Variants in USP31 observed in about 807,000 individuals in gnomAD.
The protein encoded by USP31 is ubiquitin specific peptidase 31, also known as ubiquitin carboxyl-terminal hydrolase 31.
A neutral mutation model predicts 119.4 loss-of-function variants in USP31; 44 were observed. The ratio of observed to expected loss-of-function variants is 0.37; its 90% CI spans 0.29 to 0.47. The LOEUF (loss-of-function observed/expected upper bound fraction) is 0.47. Among genes scored for constraint, USP31 ranks in the 20% least tolerant of loss-of-function variants. USP31 has a pLI of 0.99. For missense variants in USP31, 1,643 were observed against 1,730.2 expected (o/e 0.95, Z 0.89); for synonymous variants, 749 against 705.6 (o/e 1.06, Z -0.97).
At chr16:23,116,036 C>G (rs1316537227) in intron 1 of USP31, among the ~76,000 whole-genome samples, 1 of 152,116 alleles carries the variant, frequency 6.6e-6, no homozygotes, top group Non-Finnish European at 1.5e-5. Context: ...TGATTTCCAC[C>G]CATGGGAAAT....
At chr16:23,108,429 A>G (rs543783749) in intron 1 of USP31, among the ~76,000 whole-genome samples, 1 of 152,320 alleles carries the variant, frequency 6.6e-6, no homozygotes, top group South Asian at 2.1e-4. Flanking sequence ...ACATCATCAG[A>G]ACAGCCTGTC....
chr16:23,144,883 G>A (rs538668219), intron 1 of USP31, among the ~76,000 whole-genome samples: 25 of 152,128 alleles, frequency 1.6e-4, no homozygotes, highest in African/African-American at 5.3e-4. Flanking sequence ...TTACCTAACC[G>A]GGGGAATAAA....
intron 6 of USP31, among the ~76,000 whole-genome samples, chr16:23,095,401 G>T (rs1901560147): frequency 6.6e-6 from 1 of 152,176 alleles, no homozygotes; most frequent in Non-Finnish European, 1.5e-5. Flanking sequence ...GGGAAGAATG[G>T]AACCAAGCTG....
chr16:23,105,355 T>C (rs1036909148), intron 5 of USP31, 86 bp downstream of exon 5: 1 of 1,408,088 alleles, frequency 7.1e-7, no homozygotes, highest in Admixed American at 2.5e-5. Context: ...CCAACCATAC[T>C]TGGCAAAGAA....
chr16:23,072,071 A>G lies in USP31; in HGVS notation c.2462T>C (p.Met821Thr). Residue 821 changes from methionine to threonine, a missense_variant, in exon 15 of 16, where the codon ATG becomes ACG. Met to Thr is a moderately conservative substitution (Grantham distance 81, BLOSUM62 -1). Coordinates refer to ENST00000219689, the MANE Select transcript of USP31 (RefSeq NM_020718.4). ...SLASLSESVEMTGERSEDDGG... is the reference protein window; with the variant it reads ...SLASLSESVETTGERSEDDGG... Reference sequence around the variant, plus strand: ...ATCATCTTCACTCCTTTCTCCAGTCATCTCCACGGACTCAGAGAGCGACGC... The same window carrying G: ...ATCATCTTCACTCCTTTCTCCAGTCGTCTCCACGGACTCAGAGAGCGACGC... 2 of 1,613,654 alleles carry G rather than the reference A, an allele frequency of 1.2e-6. No homozygotes were observed. Among genetic ancestry groups the G allele is most frequent in the Non-Finnish European group, 1.7e-6 (2 of 1,179,804 alleles).
At chr16:23,079,905 G>A (rs371240130) in intron 13 of USP31, 41 bp downstream of exon 13, 1 of 1,521,526 alleles carries the variant, frequency 6.6e-7, no homozygotes, top group East Asian at 2.5e-5. Context: ...CCCGTCTGAA[G>A]GACTCGCCAG....
chr16:23,105,650 T>C, intron 4 of USP31, 74 bp from the exon 5 acceptor site: 2 of 1,399,612 alleles, frequency 1.4e-6, no homozygotes, highest in African/African-American at 1.5e-5. Context: ...AAAATAAACC[T>C]GAGACGAAAT....
intron 1 of USP31, among the ~76,000 whole-genome samples, chr16:23,137,626 T>C (rs1012685166): frequency 1.3e-5 from 2 of 151,522 alleles, no homozygotes; most frequent in African/African-American, 4.9e-5. Flanking sequence ...TACATATATA[T>C]ATATACATAT....
chr16:23,111,294 G>A (rs1333924575), intron 1 of USP31, among the ~76,000 whole-genome samples: 1 of 152,270 alleles, frequency 6.6e-6, no homozygotes, highest in Non-Finnish European at 1.5e-5. Flanking sequence ...ATTTGGGAGA[G>A]ATTTAGGAAT....
intron 1 of USP31, among the ~76,000 whole-genome samples, chr16:23,119,105 CTTT>C (rs34893925): frequency 7.0e-6 from 1 of 143,844 alleles, no homozygotes. Context: ...TTCTTTTTTT[CTTT>C]TTTTTTTTTT....
At chr16:23,091,974 G>C (rs538323204) in intron 6 of USP31, among the ~76,000 whole-genome samples, 1 of 152,310 alleles carries the variant, frequency 6.6e-6, no homozygotes, top group South Asian at 2.1e-4. Flanking sequence ...AGGGTGGGAA[G>C]ATCTGTTCTC....
At position 23,087,136 on chromosome 16, in the gene USP31, C is replaced by A. The variant is rs1901145960; in HGVS notation, c.1578G>T (p.Leu526Phe). Residue 526 changes from leucine to phenylalanine, a missense_variant, in exon 9 of 16, where the codon TTG (leucine) becomes TTT (phenylalanine). Around this residue, in one of 5 missense-constraint regions of USP31, gnomAD observed 219 missense variants for 226.4 expected, o/e 0.97. Coordinates refer to ENST00000219689, the MANE Select transcript of USP31 (RefSeq NM_020718.4). The stretch of plus-strand genomic sequence containing the variant: ...ACAAGGGCTGCTCCTCCTGGGGCAG[C>A]AAATATGTTATTCCAACAACACTGA... ...RVVSVVGITY[L>F]LPQEEQPLCH... The A allele has an allele frequency of 6.2e-7, 1 of 1,613,580 alleles. No individual in the cohort carries two copies. The highest frequency in any genetic ancestry group is 1.7e-5 in the Admixed American group (1 of 59,958).
At chr16:23,119,105 CT>C (rs34893925) in intron 1 of USP31, among the ~76,000 whole-genome samples, 37,567 of 143,608 alleles carry the variant, frequency 0.26, 4,888 homozygotes, top group Admixed American at 0.33. Flanking sequence ...TTCTTTTTTT[CT>C]TTTTTTTTTT....
chr16:23,111,532 T>C (rs574925412), intron 1 of USP31, among the ~76,000 whole-genome samples: 1 of 152,306 alleles, frequency 6.6e-6, no homozygotes, highest in African/African-American at 2.4e-5. Context: ...GGAAGTTATC[T>C]GGTAAACAAC....
At chr16:23,135,710 T>A (rs578255006) in intron 1 of USP31, among the ~76,000 whole-genome samples, 4 of 152,210 alleles carry the variant, frequency 2.6e-5, no homozygotes, top group Non-Finnish European at 5.9e-5. Flanking sequence ...AGACATCCCA[T>A]CTTCATGGCT....
chr16:23,068,955 C>T lies in USP31; in HGVS notation c.3150G>A (p.Glu1050=). 1 of 1,614,204 alleles carries T rather than the reference C, an allele frequency of 6.2e-7. No homozygotes were observed. The highest frequency in any genetic ancestry group is 1.1e-5 in the South Asian group (1 of 91,080). ...RKGRPALASQ[E]SSLSSTSPSS... is the part of the protein sequence containing the mutation. ...AAGGGGATGTACTTGAAAGGGATGA[C>T]TCCTGGCTTGCCAAGGCTGGTCTCC... The change falls in exon 16 of 16, where the codon GAG becomes GAA. Residue 1050 remains glutamate, a synonymous_variant. Coordinates refer to ENST00000219689, the MANE Select transcript of USP31 (RefSeq NM_020718.4).
intron 1 of USP31, among the ~76,000 whole-genome samples, chr16:23,140,284 AT>A: frequency 6.6e-6 from 1 of 152,154 alleles, no homozygotes; most frequent in East Asian, 1.9e-4. Context: ...GTGGTTCTCA[AT>A]TTTGCTGCCG....
intron 6 of USP31, among the ~76,000 whole-genome samples, chr16:23,094,629 T>C (rs946625586): frequency 5.3e-5 from 8 of 152,186 alleles, no homozygotes; most frequent in African/African-American, 1.9e-4. Context: ...GGCGGGTGCC[T>C]GTCTGGGACG....
At chr16:23,140,228 T>C (rs1903315052) in intron 1 of USP31, among the ~76,000 whole-genome samples, 1 of 152,170 alleles carries the variant, frequency 6.6e-6, no homozygotes, top group South Asian at 2.1e-4. Context: ...GTGCCCCCTC[T>C]CCTCTCCCCA....
Sources: gnomAD v4.1 joint callset for allele counts (sites outside exome capture counted in the v4.1 genomes callset) on GRCh38, gnomAD v4.1.1 for gene constraint, gnomAD v4.1.1 regional missense constraint, MANE v1.5 for transcripts, NCBI Gene and HGNC (gene_info 2026-07-23, HGNC 2026-07-21) for gene names.